SEMA6D: variants seen among roughly 807,000 people sequenced by gnomAD.
The protein encoded by SEMA6D is semaphorin 6D, also known as semaphorin-6D.
A neutral mutation model predicts 106.6 loss-of-function variants in SEMA6D; 35 were observed. The observed-to-expected ratio is 0.33, with a 90% CI of 0.25 to 0.44. The LOEUF (loss-of-function observed/expected upper bound fraction) is 0.44. SEMA6D is among the 20% of genes least tolerant of loss of function. The pLI is 1.00. For missense variants in SEMA6D, 1,185 were observed against 1,345.9 expected (o/e 0.88, Z 1.87); for synonymous variants, 499 against 487.7 (o/e 1.02, Z -0.31).
At chr15:47,381,371 T>G (rs1446730096) in intron 1 of SEMA6D, among the ~76,000 whole-genome samples, 1 of 152,184 alleles carries the variant, frequency 6.6e-6, no homozygotes, top group Non-Finnish European at 1.5e-5. Context: ...CAGATAACCA[T>G]TGCACAGTTA....
chr15:47,608,950 T>G (rs574411311), intron 4 of SEMA6D, among the ~76,000 whole-genome samples: 11 of 152,356 alleles, frequency 7.2e-5, no homozygotes, highest in Non-Finnish European at 1.5e-4. Flanking sequence ...ACTCTGCTTT[T>G]TTCTAGCCTA....
chr15:47,659,998 C>A (rs1317142137), intron 4 of SEMA6D, among the ~76,000 whole-genome samples: 3 of 151,820 alleles, frequency 2.0e-5, no homozygotes, highest in Admixed American at 6.6e-5. Context: ...GTCAATCTTG[C>A]TATAACCAAT....
At chr15:47,284,700 A>G (rs975108968) in intron 1 of SEMA6D, among the ~76,000 whole-genome samples, 1 of 152,146 alleles carries the variant, frequency 6.6e-6, no homozygotes, top group Non-Finnish European at 1.5e-5. Context: ...ATTGTTTTCC[A>G]TATCTTCTTT....
chr15:47,465,291 C>T (rs1287947777), intron 2 of SEMA6D, among the ~76,000 whole-genome samples: 2 of 152,124 alleles, frequency 1.3e-5, no homozygotes, highest in African/African-American at 2.4e-5. Flanking sequence ...TAACTCTAAC[C>T]TCTTTCACTA....
intron 1 of SEMA6D, among the ~76,000 whole-genome samples, chr15:47,348,721 C>CAGAGAGAGAGAGAGAGAG (rs1313096616): frequency 1.6e-4 from 4 of 24,632 alleles, no homozygotes; most frequent in African/African-American, 3.9e-4. Context: ...ACACACACCA[C>CAGAGAGAGAGAGAGAGAG]ACACACAGAG....
intron 3 of SEMA6D, among the ~76,000 whole-genome samples, chr15:47,502,394 C>A (rs117145240): frequency 6.6e-6 from 1 of 152,172 alleles, no homozygotes; most frequent in African/African-American, 2.4e-5. Flanking sequence ...CTCTGGGAAT[C>A]TGGCACATTC....
chr15:47,428,397 T>G (rs2041416216), intron 2 of SEMA6D, among the ~76,000 whole-genome samples: 1 of 152,120 alleles, frequency 6.6e-6, no homozygotes, highest in African/African-American at 2.4e-5. Context: ...AACCATGTAC[T>G]GCAGTTCCAA....
In SEMA6D at chr15:47,771,766, T is replaced by C. The variant is rs540588380; in HGVS notation, c.3203T>C (p.Leu1068Pro). 6.2e-6 allele frequency: 10 copies of C among 1,613,470 alleles called. No homozygotes were observed. In the African/African-American group the frequency reaches 9.3e-5, roughly 15 times the overall value. The change falls in exon 19 of 19, where the codon CTG (leucine) becomes CCG (proline). Residue 1068 changes from leucine to proline, a missense_variant. Leu to Pro is a moderately conservative substitution (Grantham distance 98). Coordinates refer to ENST00000536845, the MANE Select transcript of SEMA6D (RefSeq NM_001358351.3). Reference sequence around the variant, plus strand: ...CCTCAAACCCCATCTGTCAGACCACTGAACAAATACACATACTAGGCCTCA... The same window carrying C: ...CCTCAAACCCCATCTGTCAGACCACCGAACAAATACACATACTAGGCCTCA... Reference protein sequence around the residue: ...FVPQTPSVRPLNKYTY With the variant: ...FVPQTPSVRPPNKYTY
intron 3 of SEMA6D, among the ~76,000 whole-genome samples, chr15:47,552,888 A>AAATATATATATATTTT: frequency 1.3e-4 from 2 of 15,884 alleles, no homozygotes; most frequent in African/African-American, 2.6e-4. Flanking sequence ...ATAAATATAT[A>AAATATATATATATTTT]TAAATATATA....
intron 4 of SEMA6D, among the ~76,000 whole-genome samples, chr15:47,612,866 T>C (rs1333944843): frequency 1.3e-5 from 2 of 152,206 alleles, no homozygotes; most frequent in Non-Finnish European, 2.9e-5. Context: ...CAACTTGCTA[T>C]AAATCTGCAA....
intron 3 of SEMA6D, among the ~76,000 whole-genome samples, chr15:47,483,026 A>G (rs1370170538): frequency 2.6e-5 from 4 of 152,178 alleles, no homozygotes; most frequent in African/African-American, 7.2e-5. Flanking sequence ...AAGACAAACA[A>G]TGAACAAATG....
At chr15:47,658,496 TAAAG>T (rs1409873026) in intron 4 of SEMA6D, among the ~76,000 whole-genome samples, 1 of 152,204 alleles carries the variant, frequency 6.6e-6, no homozygotes, top group Admixed American at 6.5e-5. Flanking sequence ...AGCTTAGACT[TAAAG>T]AAGTGATATA....
At chr15:47,698,628 A>G (rs920238753) in intron 4 of SEMA6D, among the ~76,000 whole-genome samples, 1 of 152,310 alleles carries the variant, frequency 6.6e-6, no homozygotes, top group East Asian at 1.9e-4. Flanking sequence ...CCCTTCTTCC[A>G]TCTTTTCCTC....
At chr15:47,274,393 T>G (rs2034705570) in intron 1 of SEMA6D, 1 of 152,078 alleles carries the variant, frequency 6.6e-6, no homozygotes, top group Admixed American at 6.6e-5. Flanking sequence ...GAAATGAAAT[T>G]TTGGTTCACT....
intron 1 of SEMA6D, among the ~76,000 whole-genome samples, chr15:47,333,888 C>A (rs1454239685): frequency 2.6e-5 from 4 of 152,138 alleles, no homozygotes; most frequent in Non-Finnish European, 5.9e-5. Context: ...TCTCTCTGAC[C>A]TTTTCCTGTC....
At chr15:47,554,948 T>C (rs143199269) in intron 3 of SEMA6D, among the ~76,000 whole-genome samples, 1 of 152,188 alleles carries the variant, frequency 6.6e-6, no homozygotes, top group African/African-American at 2.4e-5. Context: ...GACTTGAGCT[T>C]CACATGATTT....
chr15:47,455,002 G>T (rs2042305206), intron 2 of SEMA6D, among the ~76,000 whole-genome samples: 1 of 151,838 alleles, frequency 6.6e-6, no homozygotes, highest in South Asian at 2.1e-4. Context: ...CAAGGGAGTG[G>T]TAGGAATTTG....
In SEMA6D at chr15:47,273,520, C is replaced by T. The variant is rs554899733; in HGVS notation, c.-239+89102C>T. Among the ~76,000 whole-genome samples the T allele has an allele frequency of 5.3e-5, 8 of 152,296 alleles. No individual in the cohort carries two copies. In the South Asian group the frequency reaches 1.7e-3, roughly 32 times the overall value. On this transcript the variant is annotated intron_variant, in intron 1 of 19. Transcript: ENST00000558014. Reference sequence around the variant, plus strand: ...AATGATCAGTTGGCCTTGAAAATAACACCAAATCAACATAGGTAATTTCTA... The same window carrying T: ...AATGATCAGTTGGCCTTGAAAATAATACCAAATCAACATAGGTAATTTCTA...
At chr15:47,655,121 C>T (rs1236640637) in intron 4 of SEMA6D, among the ~76,000 whole-genome samples, 12 of 152,186 alleles carry the variant, frequency 7.9e-5, no homozygotes, top group Non-Finnish European at 8.8e-5. Context: ...TACTCTTTCC[C>T]TCCATACCTT....
Sources: allele counts gnomAD v4.1 joint callset (sites outside exome capture counted in the v4.1 genomes callset), GRCh38; gene constraint gnomAD v4.1.1; transcripts MANE v1.5; gene names NCBI Gene and HGNC (gene_info 2026-07-23, HGNC 2026-07-21).